STAG1: variants seen among roughly 807,000 people sequenced by gnomAD.
STAG1 encodes cohesin subunit SA-1.
STAG1 carries 26 observed loss-of-function variants against 170.9 expected under a neutral mutation model. The observed-to-expected ratio is 0.15, with a 90% confidence interval of 0.11 to 0.21. STAG1 has a LOEUF of 0.21. Among genes scored for constraint, STAG1 ranks in the 10% least tolerant of loss-of-function variants. STAG1 has a pLI of 1.00. For synonymous variants in STAG1, 514 were observed against 497.7 expected (o/e 1.03, Z -0.44); for missense variants, 964 against 1,509.5 (o/e 0.64, Z 5.99).
chr3:136,368,625 AG>A (rs1286474577), intron 24 of STAG1, among the ~76,000 whole-genome samples: 1 of 152,152 alleles, frequency 6.6e-6, no homozygotes, highest in Non-Finnish European at 1.5e-5. Flanking sequence ...TAATAGTTGA[AG>A]ATTGGAAACT....
chr3:136,381,634 T>C (rs1446104159), intron 22 of STAG1, among the ~76,000 whole-genome samples: 5 of 152,092 alleles, frequency 3.3e-5, no homozygotes, highest in Non-Finnish European at 7.4e-5. Flanking sequence ...AAAAATAGGA[T>C]GGGGCTGATA....
intron 29 of STAG1, among the ~76,000 whole-genome samples, chr3:136,347,917 A>G (rs1936293812): frequency 1.3e-5 from 2 of 152,210 alleles, no homozygotes; most frequent in Non-Finnish European, 2.9e-5. Context: ...AAGGTTGCAT[A>G]GCTGATAATG....
Position 136,700,093 on chromosome 3 carries a change from T to C in STAG1, c.-84+52102A>G, listed in dbSNP as rs527348850. 2.6e-5 allele frequency among the ~76,000 whole-genome samples: 4 copies of C among 151,396 alleles called. No homozygotes were observed. The South Asian group carries it at 8.4e-4, about 32-fold the overall frequency. On this transcript the variant is annotated intron_variant, in intron 1 of 33. Coordinates refer to ENST00000383202, the MANE Select transcript of STAG1 (RefSeq NM_005862.3). ...TGAAGAGAAACCATTTATTCTTCCCTTTCTCCTCTGTGCTGTTCTACAACA... is the reference window on the plus strand; with the variant it reads ...TGAAGAGAAACCATTTATTCTTCCCCTTCTCCTCTGTGCTGTTCTACAACA...
chr3:136,598,694 T>C (rs1206824027), intron 4 of STAG1, among the ~76,000 whole-genome samples: 3 of 152,148 alleles, frequency 2.0e-5, no homozygotes, highest in Non-Finnish European at 2.9e-5. Flanking sequence ...CCCAAAGTAC[T>C]GGGATTACAG....
chr3:136,362,606 A>C (rs79465721), intron 26 of STAG1, among the ~76,000 whole-genome samples: 1 of 138,388 alleles, frequency 7.2e-6, no homozygotes, highest in Non-Finnish European at 1.6e-5. Flanking sequence ...TCATCTCTGC[A>C]AAAAAAAAAA....
chr3:136,750,299 C>A (rs1935164118), intron 1 of STAG1, among the ~76,000 whole-genome samples: 2 of 152,080 alleles, frequency 1.3e-5, no homozygotes, highest in Admixed American at 1.3e-4. Flanking sequence ...CAGGAGTGCA[C>A]CACTGGGCCC....
intron 1 of STAG1, among the ~76,000 whole-genome samples, chr3:136,702,750 A>AT (rs1464962118): frequency 6.6e-6 from 1 of 152,124 alleles, no homozygotes; most frequent in Non-Finnish European, 1.5e-5. Flanking sequence ...TTAAGCTAGG[A>AT]AACAGGAGAT....
intron 1 of STAG1, among the ~76,000 whole-genome samples, chr3:136,722,695 C>A (rs1933361763): frequency 6.7e-6 from 1 of 148,622 alleles, no homozygotes; most frequent in South Asian, 2.1e-4. Context: ...TCCCTCTCCC[C>A]ACGGTCTCCC....
intron 16 of STAG1, among the ~76,000 whole-genome samples, chr3:136,428,452 A>G (rs2088197748): frequency 6.6e-6 from 1 of 152,182 alleles, no homozygotes; most frequent in Non-Finnish European, 1.5e-5. Flanking sequence ...GAACCCAGTA[A>G]GTTCAACACC....
At chr3:136,586,934 TAAG>T in intron 4 of STAG1, 1 of 453,268 alleles carries the variant, frequency 2.2e-6, no homozygotes, top group Non-Finnish European at 4.4e-6. Context: ...GCTCTAGGGG[TAAG>T]AAGAGCCAGA....
chr3:136,350,653 C>G (rs557027983), intron 28 of STAG1, among the ~76,000 whole-genome samples: 1 of 152,170 alleles, frequency 6.6e-6, no homozygotes, highest in Admixed American at 6.6e-5. Context: ...AAATTCTGCC[C>G]TCCTCCCCAT....
At chr3:136,417,833 C>T in intron 21 of STAG1, 52 bp downstream of exon 21, 1 of 1,433,144 alleles carries the variant, frequency 7.0e-7, no homozygotes, top group Non-Finnish European at 9.8e-7. Flanking sequence ...CATATGACTT[C>T]AGAAAAACAA....
intron 22 of STAG1, among the ~76,000 whole-genome samples, chr3:136,380,147 TGACA>T (rs749173703): frequency 3.1e-4 from 47 of 152,330 alleles, no homozygotes; most frequent in Non-Finnish European, 5.9e-4. Context: ...AGATGCTAAG[TGACA>T]GAGCAAGGAT....
intron 10 of STAG1, among the ~76,000 whole-genome samples, chr3:136,474,403 T>C (rs1399840856): frequency 6.6e-6 from 1 of 152,216 alleles, no homozygotes; most frequent in Non-Finnish European, 1.5e-5. Flanking sequence ...GTTAAGTATA[T>C]TATTAATCAC....
chr3:136,639,297 T>G (rs1327652568), intron 1 of STAG1, among the ~76,000 whole-genome samples: 1 of 151,770 alleles, frequency 6.6e-6, no homozygotes, highest in African/African-American at 2.4e-5. Flanking sequence ...ATTGGGCCAC[T>G]ACCTTCCAGC....
Position 136,516,468 on chromosome 3 carries a change from AC to A in STAG1, c.676+4744del, listed in dbSNP as rs1384609552. 2.0e-5 allele frequency among the ~76,000 whole-genome samples: 3 copies of A among 152,114 alleles called. No homozygotes were observed. The East Asian group carries it at 5.8e-4, about 29-fold the overall frequency. The stretch of plus-strand genomic sequence containing the variant: ...GGTTGCAAGGAAACAAAACCATGCC[AC>A]TGCACTGCAGCCTGGGCAACAGAGT... On this transcript the variant is annotated intron_variant, in intron 7 of 33. Coordinates refer to ENST00000383202, the MANE Select transcript of STAG1 (RefSeq NM_005862.3).
At chr3:136,579,618 T>C (rs1221515501) in intron 4 of STAG1, among the ~76,000 whole-genome samples, 3 of 152,228 alleles carry the variant, frequency 2.0e-5, no homozygotes, top group Non-Finnish European at 2.9e-5. Flanking sequence ...TTCTCCAATG[T>C]GTCATTTTAT....
At chr3:136,735,481 G>C (rs944977390) in intron 1 of STAG1, among the ~76,000 whole-genome samples, 6 of 151,584 alleles carry the variant, frequency 4.0e-5, no homozygotes, top group African/African-American at 1.5e-4. Flanking sequence ...TTGTTGCCCA[G>C]GCTAGAGTGC....
At chr3:136,543,158 T>C (rs1375174674) in intron 5 of STAG1, among the ~76,000 whole-genome samples, 1 of 152,128 alleles carries the variant, frequency 6.6e-6, no homozygotes, top group Non-Finnish European at 1.5e-5. Context: ...GAAAGAGAAA[T>C]GGGCAGTTGA....
Sources: allele counts gnomAD v4.1 joint callset (sites outside exome capture counted in the v4.1 genomes callset), GRCh38; gene constraint gnomAD v4.1.1; transcripts MANE v1.5; gene names NCBI Gene and HGNC (gene_info 2026-07-23, HGNC 2026-07-21).